Variants in CYP26B1 observed in about 807,000 individuals in gnomAD.
CYP26B1 encodes cytochrome P450 26B1.
In CYP26B1, 8 loss-of-function variants were observed where a neutral mutation model predicts 39.1. The observed-to-expected ratio is 0.20, with a 90% confidence interval of 0.12 to 0.37. The LOEUF is 0.37. Among genes scored for constraint, CYP26B1 ranks in the 10% least tolerant of loss-of-function variants. The pLI, the probability that CYP26B1 is intolerant of heterozygous loss-of-function variation, is 1.00. For missense variants in CYP26B1, 615 were observed against 707.0 expected, an observed-to-expected ratio of 0.87 and a Z score of 1.48; for synonymous variants, 321 against 314.3, an observed-to-expected ratio of 1.02 and a Z score of -0.23.
Position 72,132,285 on chromosome 2 carries a change from T to A in CYP26B1, c.1481A>T (p.Asp494Val). Residue 494 changes from aspartate (D) to valine (V), a missense_variant, in exon 6 of 6, where the codon GAC becomes GTC. Physicochemically the swap from Asp to Val is radical, Grantham distance 152. Coordinates refer to ENST00000001146, the MANE Select transcript of CYP26B1 (RefSeq NM_019885.4). ...CGGCAGGATCTCGTTCTGGTTGGAG[T>A]CCAGGCCAAAGAACTTGACGCTGAG... ...DGLSVKFFGLDSNQNEILPET... is the reference protein window; with the variant it reads ...DGLSVKFFGLVSNQNEILPET... The A allele has an allele frequency of 6.2e-7, 1 of 1,605,752 alleles. No homozygotes were observed. Among genetic ancestry groups the A allele is most frequent in the Non-Finnish European group, 8.5e-7 (1 of 1,176,518 alleles).
At chr2:72,143,074 C>T (rs1372443337) in intron 2 of CYP26B1, 1 of 167,132 alleles carries the variant, frequency 6.0e-6, no homozygotes, top group Non-Finnish European at 1.5e-5. Flanking sequence ...CGGTCTGCCA[C>T]CGCTCAGGGA....
At chr2:72,145,896 CG>C (rs1677110557) in intron 1 of CYP26B1, among the ~76,000 whole-genome samples, 1 of 152,128 alleles carries the variant, frequency 6.6e-6, no homozygotes, top group East Asian at 1.9e-4. Flanking sequence ...AGATGGCGCT[CG>C]GTGGAAACGG....
At chr2:72,138,773 G>A (rs116048327) in intron 2 of CYP26B1, among the ~76,000 whole-genome samples, 3,476 of 152,192 alleles carry the variant, frequency 0.023, 122 homozygotes, top group African/African-American at 0.078. Context: ...CGCCTTAAGG[G>A]ATGGCCTTGG....
chr2:72,134,032 C>T (rs1048840866), intron 4 of CYP26B1, among the ~76,000 whole-genome samples: 1 of 152,224 alleles, frequency 6.6e-6, no homozygotes, highest in African/African-American at 2.4e-5. Flanking sequence ...GGGTCCATTA[C>T]TGGCCATGGC....
intron 3 of CYP26B1, 47 bp downstream of exon 3, chr2:72,135,097 G>C (rs767920965): frequency 6.2e-7 from 1 of 1,610,370 alleles, no homozygotes; most frequent in East Asian, 2.2e-5. Context: ...CAGAGAGGGG[G>C]CTCATGGATG....
In CYP26B1 at chr2:72,132,295, A is replaced by C; in HGVS notation, c.1471T>G (p.Phe491Val). 6.2e-7 allele frequency: 1 copy of C among 1,606,762 alleles called. No homozygotes were observed. Among genetic ancestry groups the C allele is most frequent in the Non-Finnish European group, 8.5e-7 (1 of 1,176,944 alleles). Reference sequence around the variant, plus strand: ...TCGTTCTGGTTGGAGTCCAGGCCAAAGAACTTGACGCTGAGGCCATCCACG... The same window carrying C: ...TCGTTCTGGTTGGAGTCCAGGCCAACGAACTTGACGCTGAGGCCATCCACG... The part of the protein sequence containing the change: ...HPVDGLSVKF[F>V]GLDSNQNEIL... Residue 491 changes from phenylalanine (F) to valine (V), a missense_variant, in exon 6 of 6, where the codon TTT becomes GTT. Physicochemically the swap from Phe to Val is conservative, Grantham distance 50 (BLOSUM62 -1). Transcript: ENST00000001146.
chr2:72,133,009 G>A lies in CYP26B1; in HGVS notation c.1146+14C>T, dbSNP rs752491719. 21 of 1,612,950 alleles carry A rather than the reference G, an allele frequency of 1.3e-5. 1 individual carries two copies. The highest frequency in any genetic ancestry group is 6.7e-5 in the East Asian group (3 of 44,884). ...GCTCCCCCATCGCCCCCGGTGCCAC[G>A]GGCCCAGCCTCACATCAAGCTCGAA... On this transcript the variant is annotated intron_variant, in intron 5 of 5. Coordinates refer to ENST00000001146, the MANE Select transcript of CYP26B1 (RefSeq NM_019885.4).
rs1277322536 is a variant in CYP26B1, at chr2:72,131,341, C to T, written c.*886G>A. The T allele has an allele frequency of 6.6e-6, 1 of 152,242 alleles. No individual in the cohort carries two copies. Among genetic ancestry groups the T allele is most frequent in the African/African-American group, 2.4e-5 (1 of 41,458 alleles). The allele number at this position is 152,242 out of a possible 1,614,324, so 9.4% of individuals were successfully genotyped here. On this transcript the variant is annotated 3_prime_UTR_variant, in exon 6 of 6. Coordinates refer to ENST00000001146, the MANE Select transcript of CYP26B1 (RefSeq NM_019885.4). ...CCTGGGGGCTGGGTTTGACCAGAGA[C>T]CCCTTCCTCTTCACTCACAGAAGTC...
At chr2:72,140,061 G>A (rs1676896420) in intron 2 of CYP26B1, among the ~76,000 whole-genome samples, 2 of 152,140 alleles carry the variant, frequency 1.3e-5, no homozygotes, top group Admixed American at 1.3e-4. Context: ...CCAGGGCCAG[G>A]GCAGACCCCA....
rs557121031 is a variant in CYP26B1 at position 72,133,698 on chromosome 2, T to C, written c.862-391A>G. 1.4e-3 allele frequency among the ~76,000 whole-genome samples: 207 copies of C among 152,200 alleles called. 1 individual carries two copies. Among genetic ancestry groups the C allele is most frequent in the Non-Finnish European group, 2.4e-3 (163 of 67,986 alleles). ...CCTGCGCAGCAGGTGTGCGTGTGTA[T>C]GTGTGGGGGATGTGAGTCTAAACCC... On this transcript the variant is annotated intron_variant, in intron 4 of 5. Coordinates refer to ENST00000001146, the MANE Select transcript of CYP26B1 (RefSeq NM_019885.4).
At chr2:72,144,520 G>GCCCCCACCCCCACCCCCACCCCCCCA (rs924835693) in intron 1 of CYP26B1, 1 of 1,155,454 alleles carries the variant, frequency 8.7e-7, no homozygotes, top group African/African-American at 1.7e-5. Flanking sequence ...GGGAGTCTCC[G>GCCCCCACCCCCACCCCCACCCCCCCA]CCCCCACCCC....
At chr2:72,142,784 C>T (rs1676979813) in intron 2 of CYP26B1, among the ~76,000 whole-genome samples, 1 of 152,204 alleles carries the variant, frequency 6.6e-6, no homozygotes, top group Non-Finnish European at 1.5e-5. Flanking sequence ...TAACTGCTTC[C>T]AGCTAGGAGT....
In CYP26B1 at chr2:72,144,047, A is replaced by G; in HGVS notation, c.371T>C (p.Leu124Ser). 6.2e-7 allele frequency: 1 copy of G among 1,613,864 alleles called. No homozygotes were observed. Among genetic ancestry groups the G allele is most frequent in the Non-Finnish European group, 8.5e-7 (1 of 1,179,996 alleles). ...STEWPRSTRM[L>S]LGPNTVSNSI... ...ATTGGACACCGTGTTGGGGCCCAGCAACATGCGGGTGCTGCGAGGCCACTC... is the reference window on the plus strand; with the variant it reads ...ATTGGACACCGTGTTGGGGCCCAGCGACATGCGGGTGCTGCGAGGCCACTC... The change falls in exon 2 of 6, where the codon TTG (leucine) becomes TCG (serine). Residue 124 changes from leucine (L) to serine (S), a missense_variant. Coordinates refer to ENST00000001146, the MANE Select transcript of CYP26B1 (RefSeq NM_019885.4).
At chr2:72,136,042 A>AC (rs1418725253) in intron 2 of CYP26B1, among the ~76,000 whole-genome samples, 10 of 151,234 alleles carry the variant, frequency 6.6e-5, no homozygotes, top group Non-Finnish European at 1.5e-4. Context: ...TCCTGTTTCC[A>AC]CCTCCTTGTC....
intron 2 of CYP26B1, among the ~76,000 whole-genome samples, chr2:72,138,605 G>A (rs1477047206): frequency 6.6e-6 from 1 of 152,230 alleles, no homozygotes; most frequent in Non-Finnish European, 1.5e-5. Context: ...AGCCAGCCCA[G>A]GCTCAGGCCA....
At position 72,129,793 on chromosome 2, in the gene CYP26B1, A is replaced by G. The variant is rs1270403092; in HGVS notation, c.*2434T>C. 2 of 152,378 alleles carry G rather than the reference A, an allele frequency of 1.3e-5. No homozygotes were observed. Among genetic ancestry groups the G allele is most frequent in the African/African-American group, 4.8e-5 (2 of 41,334 alleles). 9.4% of individuals were successfully genotyped at this position (152,378 alleles called of 1,614,324 possible). A position where few individuals can be genotyped will look rare whatever the true frequency, so the allele number is the denominator to read the frequency against. On this transcript the variant is annotated 3_prime_UTR_variant, in exon 6 of 6. Coordinates refer to ENST00000001146, the MANE Select transcript of CYP26B1 (RefSeq NM_019885.4). ...GGTCAAGTTGCAATAGTTAGGGATG[A>G]TAAGTAAGAAACATCACCCATCTAA...
chr2:72,137,793 C>G (rs1047851297), intron 2 of CYP26B1, among the ~76,000 whole-genome samples: 1 of 152,172 alleles, frequency 6.6e-6, no homozygotes, highest in Non-Finnish European at 1.5e-5. Context: ...CACACCTGAC[C>G]CCTGGGGGGA....
chr2:72,141,811 T>A (rs751947824), intron 2 of CYP26B1, among the ~76,000 whole-genome samples: 1 of 152,222 alleles, frequency 6.6e-6, no homozygotes, highest in Non-Finnish European at 1.5e-5. Context: ...ACTGAAATCA[T>A]CAGTTAGGGA....
chr2:72,133,550 C>A (rs1676664666), intron 4 of CYP26B1, among the ~76,000 whole-genome samples: 1 of 152,266 alleles, frequency 6.6e-6, no homozygotes, highest in South Asian at 2.1e-4. Context: ...GGCAGAAGCA[C>A]TGGCCTAGAG....
Sources: gnomAD v4.1 joint callset for allele counts (sites outside exome capture counted in the v4.1 genomes callset) on GRCh38, gnomAD v4.1.1 for gene constraint, MANE v1.5 for transcripts, NCBI Gene and HGNC (gene_info 2026-07-23, HGNC 2026-07-21) for gene names.